Variants in CNTN5 observed in about 807,000 individuals in gnomAD.
CNTN5 encodes contactin 5, also known as contactin-5.
CNTN5 carries 77 observed loss-of-function variants against 129.1 expected under a neutral mutation model. The ratio of observed to expected loss-of-function variants is 0.60; its 90% CI spans 0.50 to 0.72. The LOEUF (loss-of-function observed/expected upper bound fraction) is 0.72, where lower values mean the gene tolerates loss of function less well. CNTN5 is among the 30% of genes least tolerant of loss of function. CNTN5 has a pLI of 0.00. For synonymous variants in CNTN5, 509 were observed against 465.6 expected (o/e 1.09, Z -1.20); for missense variants, 1,478 against 1,328.8 (o/e 1.11, Z -1.75).
intron 13 of CNTN5, among the ~76,000 whole-genome samples, chr11:100,177,709 T>G (rs1417849048): frequency 2.0e-5 from 3 of 152,150 alleles, no homozygotes; most frequent in African/African-American, 7.2e-5. Context: ...GGCTATTTCA[T>G]CTGCCAAAAC....
intron 3 of CNTN5, among the ~76,000 whole-genome samples, chr11:99,737,219 C>T (rs545019880): frequency 6.6e-6 from 1 of 152,134 alleles, no homozygotes; most frequent in South Asian, 2.1e-4. Flanking sequence ...AAGTTGTGCT[C>T]TTACCATGAA....
intron 2 of CNTN5, among the ~76,000 whole-genome samples, chr11:99,360,625 T>C (rs1459310186): frequency 6.6e-6 from 1 of 152,136 alleles, no homozygotes; most frequent in Non-Finnish European, 1.5e-5. Flanking sequence ...CATAGTTTTG[T>C]TCCCCAGGCC....
intron 3 of CNTN5, among the ~76,000 whole-genome samples, chr11:99,648,641 G>T (rs185582892): frequency 7.2e-4 from 109 of 151,976 alleles, no homozygotes; most frequent in African/African-American, 2.4e-3. Flanking sequence ...ATTCACAATA[G>T]CCAAAATATG....
intron 3 of CNTN5, among the ~76,000 whole-genome samples, chr11:99,589,433 A>C (rs535242479): frequency 1.3e-5 from 2 of 152,354 alleles, no homozygotes; most frequent in African/African-American, 4.8e-5. Context: ...AAAAGCAGAA[A>C]AATACTGCTT....
intron 2 of CNTN5, among the ~76,000 whole-genome samples, chr11:99,402,992 C>T (rs1352642820): frequency 7.1e-6 from 1 of 141,008 alleles, no homozygotes; most frequent in Non-Finnish European, 1.5e-5. Flanking sequence ...AAAAGTTTGT[C>T]TATTTTGTTA....
At chr11:99,891,763 C>A (rs1449202079) in intron 6 of CNTN5, among the ~76,000 whole-genome samples, 1 of 152,140 alleles carries the variant, frequency 6.6e-6, no homozygotes, top group East Asian at 1.9e-4. Flanking sequence ...GAAGTCTTTG[C>A]TATTGTGAAT....
intron 1 of CNTN5, among the ~76,000 whole-genome samples, chr11:99,081,033 T>G (rs535188587): frequency 6.8e-6 from 1 of 146,724 alleles, no homozygotes; most frequent in South Asian, 2.2e-4. Flanking sequence ...CAGGAAGCTA[T>G]GGAGTATATG....
chr11:99,753,498 T>A (rs2135232639), intron 3 of CNTN5, among the ~76,000 whole-genome samples: 1 of 151,642 alleles, frequency 6.6e-6, no homozygotes, highest in African/African-American at 2.4e-5. Context: ...GGGCATAAAA[T>A]AAGATCTAAA....
chr11:99,945,675 A>G (rs1275672004), intron 7 of CNTN5, among the ~76,000 whole-genome samples: 1 of 152,050 alleles, frequency 6.6e-6, no homozygotes, highest in Non-Finnish European at 1.5e-5. Context: ...AAGAGGCCCT[A>G]TAAACAAGCT....
intron 20 of CNTN5, 81 bp downstream of exon 20, chr11:100,299,477 A>G: frequency 1.2e-6 from 1 of 812,488 alleles, no homozygotes; most frequent in Non-Finnish European, 1.8e-6. Context: ...TACACATATT[A>G]GAAAATACAA....
chr11:99,777,289 A>G (rs1945156594), intron 3 of CNTN5, among the ~76,000 whole-genome samples: 1 of 151,836 alleles, frequency 6.6e-6, no homozygotes, highest in Non-Finnish European at 1.5e-5. Flanking sequence ...GGATATTGAA[A>G]TTTTTGACCA....
chr11:99,808,150 C>G (rs1946327933), intron 3 of CNTN5, among the ~76,000 whole-genome samples: 1 of 152,244 alleles, frequency 6.6e-6, no homozygotes, highest in African/African-American at 2.4e-5. Context: ...ATAACTTAGC[C>G]AAGAAACAGC....
intron 3 of CNTN5, among the ~76,000 whole-genome samples, chr11:99,654,504 T>A (rs1330295381): frequency 6.6e-6 from 1 of 152,018 alleles, no homozygotes; most frequent in African/African-American, 2.4e-5. Flanking sequence ...CCAATGGATA[T>A]GAAATGGTCC....
At chr11:99,893,794 T>G (rs1266293516) in intron 6 of CNTN5, among the ~76,000 whole-genome samples, 1 of 152,248 alleles carries the variant, frequency 6.6e-6, no homozygotes, top group Non-Finnish European at 1.5e-5. Flanking sequence ...TTTATCTATC[T>G]ATATATGTGT....
chr11:99,536,322 A>C (rs1947898964), intron 2 of CNTN5, among the ~76,000 whole-genome samples: 1 of 152,116 alleles, frequency 6.6e-6, no homozygotes, highest in South Asian at 2.1e-4. Flanking sequence ...AGTTTCCTTT[A>C]ACATATATAA....
chr11:99,409,748 A>G (rs1044289397), intron 2 of CNTN5, among the ~76,000 whole-genome samples: 4 of 152,246 alleles, frequency 2.6e-5, no homozygotes, highest in African/African-American at 9.6e-5. Flanking sequence ...CATTGCAGCC[A>G]TCAAGTGTGG....
At chr11:99,183,318 T>C (rs1257753949) in intron 1 of CNTN5, among the ~76,000 whole-genome samples, 1 of 152,176 alleles carries the variant, frequency 6.6e-6, no homozygotes, top group Non-Finnish European at 1.5e-5. Context: ...TTTCAAGGAC[T>C]CCAAACCATT....
At chr11:99,898,790 T>G (rs1206810511) in intron 6 of CNTN5, among the ~76,000 whole-genome samples, 1 of 152,032 alleles carries the variant, frequency 6.6e-6, no homozygotes, top group Non-Finnish European at 1.5e-5. Flanking sequence ...TTAGCAGATA[T>G]AGAAACATAA....
At chr11:100,206,739 G>A (rs1948921309) in intron 15 of CNTN5, among the ~76,000 whole-genome samples, 1 of 152,024 alleles carries the variant, frequency 6.6e-6, no homozygotes, top group Non-Finnish European at 1.5e-5. Flanking sequence ...ACTAATATCA[G>A]AACTTCTGCT....
Sources: gnomAD v4.1 joint callset for allele counts (sites outside exome capture counted in the v4.1 genomes callset) on GRCh38, gnomAD v4.1.1 for gene constraint, MANE v1.5 for transcripts, NCBI Gene and HGNC (gene_info 2026-07-23, HGNC 2026-07-21) for gene names.